MIPEP: variants seen among roughly 807,000 people sequenced by gnomAD.
The protein encoded by MIPEP is mitochondrial intermediate peptidase.
In MIPEP, 79 loss-of-function variants were observed where a neutral mutation model predicts 90.3. The ratio of observed to expected loss-of-function variants is 0.87; its 90% confidence interval spans 0.73 to 1.05. MIPEP has a LOEUF of 1.05. Among genes scored for constraint, MIPEP ranks in the 50% least tolerant of loss-of-function variants. The probability of loss-of-function intolerance (pLI) is 0.00; values close to 1 mark genes in which losing one functional copy is unlikely to be tolerated. For synonymous variants in MIPEP, 334 were observed against 315.8 expected (o/e 1.06, Z -0.61); for missense variants, 940 against 905.6 (o/e 1.04, Z -0.49).
Position 23,870,069 on chromosome 13 carries a change from A to G in MIPEP, c.730T>C (p.Ser244Pro). ...TCAATTATGATATGATCCCCAGCAG[A>G]TGTAAAGTTACGACGAATGTGTTCT... ...LPEHIRRNFT[S>P]AGDHIIIDGL... Residue 244 changes from serine (S) to proline (P), a missense_variant, in exon 6 of 19, where the codon TCT (serine) becomes CCT (proline). Transcript: ENST00000382172. The G allele has an allele frequency of 6.2e-7, 1 of 1,613,104 alleles. No homozygotes were observed. Among genetic ancestry groups the G allele is most frequent in the Non-Finnish European group, 8.5e-7 (1 of 1,179,502 alleles).
At chr13:23,737,495 A>T (rs903063910) in intron 18 of MIPEP, among the ~76,000 whole-genome samples, 1 of 152,156 alleles carries the variant, frequency 6.6e-6, no homozygotes, top group South Asian at 2.1e-4. Flanking sequence ...AGGGGCTCCT[A>T]ACTATGCATA....
At chr13:23,868,559 G>A (rs1429470894) in intron 7 of MIPEP, among the ~76,000 whole-genome samples, 1 of 151,970 alleles carries the variant, frequency 6.6e-6, no homozygotes, top group Admixed American at 6.6e-5. Context: ...AACCCAGGGG[G>A]CCCACCACAA....
At position 23,884,424 on chromosome 13, in the gene MIPEP, C is replaced by T. The variant is rs191055495; in HGVS notation, c.363+1909G>A. On this transcript the variant is annotated intron_variant, in intron 2 of 18. Coordinates refer to ENST00000382172, the MANE Select transcript of MIPEP (RefSeq NM_005932.4). ...ATGGAGAGGCTAACAAACTTTGCAA[C>T]CTTTCCAGGTAAGGATTCATGAGAC... Among the ~76,000 whole-genome samples, 14 of 152,278 alleles carry T rather than the reference C, an allele frequency of 9.2e-5. No individual in the cohort carries two copies. In the East Asian group the frequency reaches 2.7e-3, roughly 29 times the overall value.
At chr13:23,803,833 T>C (rs1953075708) in intron 16 of MIPEP, among the ~76,000 whole-genome samples, 1 of 152,216 alleles carries the variant, frequency 6.6e-6, no homozygotes, top group South Asian at 2.1e-4. Flanking sequence ...AGGCTATCTG[T>C]ACAAATCTAA....
At chr13:23,751,195 C>T (rs1288496653) in intron 18 of MIPEP, among the ~76,000 whole-genome samples, 1 of 152,100 alleles carries the variant, frequency 6.6e-6, no homozygotes, top group African/African-American at 2.4e-5. Flanking sequence ...GGAGTATAAA[C>T]CATAATTCTC....
In MIPEP at chr13:23,757,356, C is replaced by T. The variant is rs563389383; in HGVS notation, c.1971-738G>A. Among the ~76,000 whole-genome samples, 204 of 152,190 alleles carry T rather than the reference C, an allele frequency of 1.3e-3. 1 individual carries two copies. The highest frequency in any genetic ancestry group is 2.5e-3 in the Non-Finnish European group (173 of 67,994). ...TACAGATGAAGCTTCACTTGCTCAC[C>T]CACCCACCACACCTCCTGCTGTGTG... On this transcript the variant is annotated intron_variant, in intron 17 of 18. Transcript: ENST00000382172.
intron 16 of MIPEP, among the ~76,000 whole-genome samples, chr13:23,781,156 A>T (rs1240868991): frequency 6.6e-6 from 1 of 152,178 alleles, no homozygotes; most frequent in African/African-American, 2.4e-5. Context: ...TAATTATCAG[A>T]TTCACCAAAG....
At chr13:23,795,848 G>A (rs1005745433) in intron 16 of MIPEP, among the ~76,000 whole-genome samples, 32 of 150,848 alleles carry the variant, frequency 2.1e-4, no homozygotes, top group African/African-American at 7.8e-4. Context: ...AAAAAGCTGG[G>A]AGTGGGGTGT....
intron 10 of MIPEP, among the ~76,000 whole-genome samples, chr13:23,844,411 A>T (rs556760547): frequency 9.8e-5 from 15 of 152,304 alleles, no homozygotes; most frequent in African/African-American, 3.6e-4. Context: ...GAAAATCAAG[A>T]ATCTTCTTAG....
chr13:23,770,499 C>T (rs1359802474), intron 16 of MIPEP, among the ~76,000 whole-genome samples: 1 of 152,180 alleles, frequency 6.6e-6, no homozygotes, highest in Admixed American at 6.5e-5. Context: ...CTGCTGTCCC[C>T]CTGCCCCCAG....
At chr13:23,781,413 T>C (rs1201575307) in intron 16 of MIPEP, among the ~76,000 whole-genome samples, 6 of 152,136 alleles carry the variant, frequency 3.9e-5, no homozygotes, top group Non-Finnish European at 7.3e-5. Flanking sequence ...CTGGGAGATT[T>C]TGTCACCACC....
intron 4 of MIPEP, among the ~76,000 whole-genome samples, chr13:23,875,440 G>C (rs1390606772): frequency 6.6e-6 from 1 of 151,624 alleles, no homozygotes; most frequent in Non-Finnish European, 1.5e-5. Flanking sequence ...CTTTGATGCT[G>C]TGCTGGAAGC....
intron 5 of MIPEP, among the ~76,000 whole-genome samples, chr13:23,873,656 T>C (rs1870929771): frequency 6.6e-6 from 1 of 152,140 alleles, no homozygotes; most frequent in Admixed American, 6.5e-5. Context: ...GTGATTTGCT[T>C]TTGGGATGCA....
At position 23,839,712 on chromosome 13, in the gene MIPEP, T is replaced by G; in HGVS notation, c.1275A>C (p.Glu425Asp). 6.2e-7 allele frequency: 1 copy of G among 1,612,292 alleles called. No individual in the cohort carries two copies. The highest frequency in any genetic ancestry group is 8.5e-7 in the Non-Finnish European group (1 of 1,179,548). The change falls in exon 12 of 19, where the codon GAA becomes GAC. Residue 425 changes from glutamate (E) to aspartate (D), a missense_variant. Glu to Asp is a conservative substitution (Grantham distance 45, BLOSUM62 2). Coordinates refer to ENST00000382172, the MANE Select transcript of MIPEP (RefSeq NM_005932.4). ...AAATGTACCCCAACAATCCTTCAGA[T>G]TCATGAACAACAGCCTAGAAAAAAA... ...EDVRKLAVVH[E>D]SEGLLGYIYC...
chr13:23,870,065 G>A lies in MIPEP; in HGVS notation c.734C>T (p.Ala245Val). The change falls in exon 6 of 19, where the codon GCT (alanine) becomes GTT (valine). Residue 245 changes from alanine (A) to valine (V), a missense_variant. Transcript: ENST00000382172. ...ACCATCAATTATGATATGATCCCCA[G>A]CAGATGTAAAGTTACGACGAATGTG... ...PEHIRRNFTSAGDHIIIDGLH... is the reference protein window; with the variant it reads ...PEHIRRNFTSVGDHIIIDGLH... The A allele has an allele frequency of 6.2e-7, 1 of 1,612,660 alleles. No individual in the cohort carries two copies. Among genetic ancestry groups the A allele is most frequent in the Non-Finnish European group, 8.5e-7 (1 of 1,179,310 alleles).
intron 16 of MIPEP, among the ~76,000 whole-genome samples, chr13:23,777,584 G>C (rs1199769101): frequency 6.6e-6 from 1 of 152,122 alleles, no homozygotes; most frequent in Non-Finnish European, 1.5e-5. Context: ...TGGGTGAAAG[G>C]TACTTTGCAA....
At chr13:23,780,438 C>G (rs1952768370) in intron 16 of MIPEP, among the ~76,000 whole-genome samples, 1 of 152,176 alleles carries the variant, frequency 6.6e-6, no homozygotes, top group Admixed American at 6.5e-5. Flanking sequence ...GACATCCACA[C>G]CAAAACCCCA....
At chr13:23,861,854 T>C (rs919734933) in intron 9 of MIPEP, among the ~76,000 whole-genome samples, 2 of 152,172 alleles carry the variant, frequency 1.3e-5, no homozygotes, top group African/African-American at 4.8e-5. Context: ...TAAGTGTTTT[T>C]AGAATGTGGT....
chr13:23,818,472 AAC>A (rs1410728181), intron 14 of MIPEP, among the ~76,000 whole-genome samples: 3 of 152,174 alleles, frequency 2.0e-5, no homozygotes, highest in Non-Finnish European at 4.4e-5. Flanking sequence ...AAATAAACTT[AAC>A]AGAGTTAAAC....
Sources: allele counts gnomAD v4.1 joint callset (sites outside exome capture counted in the v4.1 genomes callset), GRCh38; gene constraint gnomAD v4.1.1; transcripts MANE v1.5; gene names NCBI Gene and HGNC (gene_info 2026-07-23, HGNC 2026-07-21).